Variants in NEDD1 observed in about 807,000 individuals in gnomAD.
NEDD1 encodes protein NEDD1.
Under a neutral mutation model 74.0 loss-of-function variants are expected in NEDD1, and 33 were observed. The ratio of observed to expected loss-of-function variants is 0.45; its 90% CI spans 0.34 to 0.60. The LOEUF (loss-of-function observed/expected upper bound fraction) is 0.60, where lower values mean the gene tolerates loss of function less well. NEDD1 is among the 20% of genes least tolerant of loss of function. NEDD1 has a pLI of 0.01. For synonymous variants in NEDD1, 250 were observed against 264.4 expected (o/e 0.95, Z 0.53); for missense variants, 746 against 776.5 (o/e 0.96, Z 0.47).
At position 96,912,772 on chromosome 12, in the gene NEDD1, A is replaced by G. The variant is rs754590401; in HGVS notation, c.186A>G (p.Ser62=). Residue 62 remains serine (S), a synonymous_variant, in exon 4 of 16, where the codon TCA becomes TCG. Transcript: ENST00000266742. ...ASSSGDKIVV[S]SCKCKPVPLL... ...CCAGTGGCGACAAAATAGTTGTCTC[A>G]AGTTGCAAATGTAAACCTGTTCCAC... 6.2e-6 allele frequency: 10 copies of G among 1,610,304 alleles called. No individual in the cohort carries two copies. In the East Asian group the frequency reaches 2.0e-4, roughly 32 times the overall value.
intron 4 of NEDD1, among the ~76,000 whole-genome samples, chr12:96,915,226 A>G (rs1874314166): frequency 6.6e-6 from 1 of 152,244 alleles, no homozygotes; most frequent in Admixed American, 6.5e-5. Context: ...TGGGGTCCAC[A>G]GAAGTGAACA....
chr12:96,943,105 T>C (rs1165828366), intron 11 of NEDD1, among the ~76,000 whole-genome samples: 3 of 152,040 alleles, frequency 2.0e-5, no homozygotes, highest in Non-Finnish European at 2.9e-5. Context: ...AGCAAGTTAC[T>C]AGGTCCAAGC....
At chr12:96,938,779 T>G (rs908814762) in intron 9 of NEDD1, among the ~76,000 whole-genome samples, 3 of 151,428 alleles carry the variant, frequency 2.0e-5, no homozygotes, top group African/African-American at 7.3e-5. Flanking sequence ...TTTGCCACAT[T>G]TGCTTCATCA....
chr12:96,916,084 T>C (rs78632932), intron 4 of NEDD1, among the ~76,000 whole-genome samples: 1,520 of 151,990 alleles, frequency 0.01, 69 homozygotes, highest in East Asian at 0.095. Context: ...GGTTGTATAT[T>C]TAAGGAATGG....
chr12:96,951,279 G>A (rs1014834548), intron 14 of NEDD1, among the ~76,000 whole-genome samples, 153 bp from the exon 15 acceptor site: 2 of 151,866 alleles, frequency 1.3e-5, no homozygotes, highest in African/African-American at 4.8e-5. Context: ...CTAGCACATA[G>A]TGAATAAATG....
At chr12:96,932,488 A>ATATATATATATATATATATAT in intron 6 of NEDD1, among the ~76,000 whole-genome samples, 1 of 82,992 alleles carries the variant, frequency 1.2e-5, no homozygotes, top group Non-Finnish European at 2.4e-5. Context: ...ATATATATAT[A>ATATATATATATATATATATAT]AAATGCACAC....
chr12:96,934,482 C>CT (rs772116924), intron 6 of NEDD1, among the ~76,000 whole-genome samples: 10 of 150,744 alleles, frequency 6.6e-5, no homozygotes, highest in African/African-American at 9.8e-5. Context: ...ATTTGTTACC[C>CT]TTTCTTTTCT....
chr12:96,922,959 A>G (rs1386367633), intron 6 of NEDD1, among the ~76,000 whole-genome samples: 3 of 152,150 alleles, frequency 2.0e-5, no homozygotes, highest in African/African-American at 7.2e-5. Flanking sequence ...TATTAAAAAT[A>G]TAAAGAAATT....
At chr12:96,920,238 T>A (rs1702390391) in intron 6 of NEDD1, 113 bp downstream of exon 6, 1 of 600,456 alleles carries the variant, frequency 1.7e-6, no homozygotes, top group South Asian at 3.1e-5. Flanking sequence ...CTTCAGCTAT[T>A]TTTAAATGGT....
At chr12:96,922,549 TA>T (rs993140085) in intron 6 of NEDD1, among the ~76,000 whole-genome samples, 18 of 152,304 alleles carry the variant, frequency 1.2e-4, no homozygotes, top group Middle Eastern at 3.4e-3. Flanking sequence ...GTTTTCTTAT[TA>T]AAATCAGACA....
chr12:96,920,665 C>G (rs1372678729), intron 6 of NEDD1, among the ~76,000 whole-genome samples: 3 of 152,092 alleles, frequency 2.0e-5, no homozygotes, highest in Non-Finnish European at 4.4e-5. Context: ...TTTTTTTCCT[C>G]TATAAAAAAT....
chr12:96,935,103 A>G lies in NEDD1; in HGVS notation c.617A>G (p.Lys206Arg), dbSNP rs751523284. The G allele has an allele frequency of 4.3e-6, 7 of 1,612,594 alleles. No homozygotes were observed. The African/African-American group carries it at 8.0e-5, about 18-fold the overall frequency. The change falls in exon 7 of 16, where the codon AAA becomes AGA. Residue 206 changes from lysine (K) to arginine (R), a missense_variant. Lys to Arg is a conservative substitution (Grantham distance 26). Coordinates refer to ENST00000266742, the MANE Select transcript of NEDD1 (RefSeq NM_152905.4). ...SPYHNFDSVH[K>R]APASGICFSP... ...TACCATAACTTTGACAGTGTACACA[A>G]AGCTCCAGCGTCAGGCATCTGTTTT...
chr12:96,907,769 G>A lies in NEDD1; in HGVS notation c.-96G>A, dbSNP rs1039360350. Reference sequence around the variant, plus strand: ...AAACCCAGGCCGACGTTACCGCCTTGTGTCCTGACTGCTAGCTTTCGACGG... The same window carrying A: ...AAACCCAGGCCGACGTTACCGCCTTATGTCCTGACTGCTAGCTTTCGACGG... On this transcript the variant is annotated 5_prime_UTR_variant, in exon 2 of 16. The change creates a new upstream start codon in the 5' untranslated region. Coordinates refer to ENST00000266742, the MANE Select transcript of NEDD1 (RefSeq NM_152905.4). 3 of 1,528,264 alleles carry A rather than the reference G, an allele frequency of 2.0e-6. No homozygotes were observed. The highest frequency in any genetic ancestry group is 2.6e-6 in the Non-Finnish European group (3 of 1,135,634). The allele number at this position is 1,528,264 out of a possible 1,614,324, so 94.7% of individuals were successfully genotyped here. A position where few individuals can be genotyped will look rare whatever the true frequency, so the allele number is the denominator to read the frequency against.
At position 96,912,716 on chromosome 12, in the gene NEDD1, C is replaced by T. The variant is rs761590676; in HGVS notation, c.137-7C>T. 6 of 1,440,208 alleles carry T rather than the reference C, an allele frequency of 4.2e-6. No homozygotes were observed. In the East Asian group the frequency reaches 1.1e-4, roughly 27 times the overall value. 89.2% of individuals were successfully genotyped at this position (1,440,208 alleles called of 1,614,324 possible). On this transcript the variant is annotated splice_polypyrimidine_tract_variant and splice_region_variant and intron_variant, in intron 3 of 15. Coordinates refer to ENST00000266742, the MANE Select transcript of NEDD1 (RefSeq NM_152905.4). ...GATTGTTTGATGCTCCATAACTCCT[C>T]ATTTAGATAACTTTTTAGTAACAGC...
rs898383031 is a variant in NEDD1 at position 96,918,177 on chromosome 12, TTG to T, written c.348+452_348+453del. 2.0e-5 allele frequency among the ~76,000 whole-genome samples: 3 copies of T among 151,814 alleles called. No homozygotes were observed. The Middle Eastern group carries it at 0.01, about 516-fold the overall frequency. ...GGCTGCTCTTGTTTGTGTTTTTTTT[TTG>T]TGTGTGTGTGTTTGTATTTTTAACT... On this transcript the variant is annotated intron_variant, in intron 5 of 15. Coordinates refer to ENST00000266742, the MANE Select transcript of NEDD1 (RefSeq NM_152905.4).
chr12:96,922,607 C>G (rs1478340093), intron 6 of NEDD1, among the ~76,000 whole-genome samples: 2 of 152,086 alleles, frequency 1.3e-5, no homozygotes, highest in African/African-American at 4.8e-5. Context: ...ACCTTTTGGC[C>G]TAATTTTGTG....
At position 96,932,690 on chromosome 12, in the gene NEDD1, A is replaced by G. The variant is rs932573605; in HGVS notation, c.490-2286A>G. On this transcript the variant is annotated intron_variant, in intron 6 of 15. Transcript: ENST00000266742. Reference sequence around the variant, plus strand: ...TAATTGGAGACATTTAAAGAATTCAATGTGGTTACTTAAGGGTCTTTTAAA... The same window carrying G: ...TAATTGGAGACATTTAAAGAATTCAGTGTGGTTACTTAAGGGTCTTTTAAA... Among the ~76,000 whole-genome samples, 12 of 151,054 alleles carry G rather than the reference A, an allele frequency of 7.9e-5. 1 individual carries two copies. The highest frequency in any genetic ancestry group is 1.2e-4 in the Non-Finnish European group (8 of 67,846).
At chr12:96,941,829 A>G (rs1415020652) in intron 10 of NEDD1, among the ~76,000 whole-genome samples, 1 of 152,152 alleles carries the variant, frequency 6.6e-6, no homozygotes, top group Non-Finnish European at 1.5e-5. Flanking sequence ...TTATGGTTCC[A>G]AAGTATTGAT....
chr12:96,912,074 C>G (rs1365023332), intron 3 of NEDD1, among the ~76,000 whole-genome samples: 1 of 151,872 alleles, frequency 6.6e-6, no homozygotes, highest in Non-Finnish European at 1.5e-5. Context: ...CTGATTGTTC[C>G]ATTTACAATT....
Sources: gnomAD v4.1 joint callset for allele counts (sites outside exome capture counted in the v4.1 genomes callset) on GRCh38, gnomAD v4.1.1 for gene constraint, MANE v1.5 for transcripts, NCBI Gene and HGNC (gene_info 2026-07-23, HGNC 2026-07-21) for gene names.